Variants in LAMA2 observed in about 807,000 individuals in gnomAD.
LAMA2 encodes the protein laminin subunit alpha-2.
LAMA2 carries 269 observed loss-of-function variants against 364.8 expected under a neutral mutation model. The ratio of observed to expected loss-of-function variants is 0.74; its 90% CI spans 0.67 to 0.82. The LOEUF (loss-of-function observed/expected upper bound fraction) is 0.82, where lower values mean the gene tolerates loss of function less well. LAMA2 is among the 40% of genes least tolerant of loss of function. The pLI is 0.00. For missense variants in LAMA2, 3,807 were observed against 3,873.2 expected (o/e 0.98, Z 0.45); for synonymous variants, 1,379 against 1,370.6 (o/e 1.01, Z -0.14).
rs992163712 is a variant in LAMA2 at position 129,370,827 on chromosome 6, C to T, written c.4959+837C>T. 3.3e-5 allele frequency among the ~76,000 whole-genome samples: 5 copies of T among 152,206 alleles called. No individual in the cohort carries two copies. The East Asian group carries it at 7.7e-4, about 23-fold the overall frequency. ...CTCAGGGACTTAAGCTGGACCCAGT[C>T]TCAAGATTCCCACTGGCCCAGTACT... On this transcript the variant is annotated intron_variant, in intron 34 of 64. Transcript: ENST00000421865.
rs117454267 is a variant in LAMA2, at chr6:128,990,052, T to C, written c.113-59866T>C. On this transcript the variant is annotated intron_variant, in intron 1 of 64. Coordinates refer to ENST00000421865, the MANE Select transcript of LAMA2 (RefSeq NM_000426.4). ...AAACATTCATAACATAGAAAATACA[T>C]ATTATTTTAAAATGCTTTCTTATTC... Among the ~76,000 whole-genome samples, 1,234 of 152,324 alleles carry C rather than the reference T, an allele frequency of 8.1e-3. 10 individuals are homozygous for C. The highest frequency in any genetic ancestry group is 0.013 in the Non-Finnish European group (917 of 68,010).
intron 8 of LAMA2, chr6:129,157,916 C>G: frequency 1.9e-6 from 3 of 1,614,184 alleles, no homozygotes; most frequent in African/African-American, 1.3e-5. Context: ...GTTTGGTGCC[C>G]ACCCTGGTAT....
chr6:129,251,617 A>G (rs1261424056), intron 13 of LAMA2, among the ~76,000 whole-genome samples: 1 of 152,154 alleles, frequency 6.6e-6, no homozygotes, highest in Non-Finnish European at 1.5e-5. Flanking sequence ...CCTGAATGAC[A>G]GGGAAAGCCA....
chr6:128,942,580 T>C (rs531617755), intron 1 of LAMA2, among the ~76,000 whole-genome samples: 1 of 152,324 alleles, frequency 6.6e-6, no homozygotes, highest in East Asian at 1.9e-4. Context: ...GTCATGGAGA[T>C]TAAAACATTT....
chr6:129,500,175 G>A (rs982630591), intron 58 of LAMA2, among the ~76,000 whole-genome samples: 8 of 152,018 alleles, frequency 5.3e-5, no homozygotes, highest in African/African-American at 1.9e-4. Context: ...TAGAGGGTGG[G>A]GAATTTTTGT....
chr6:129,498,913 T>TGAA (rs1290781969), intron 58 of LAMA2, among the ~76,000 whole-genome samples: 1 of 152,232 alleles, frequency 6.6e-6, no homozygotes, highest in African/African-American at 2.4e-5. Context: ...TATTCTGACC[T>TGAA]GAAGTTAAAT....
At chr6:129,177,522 C>T (rs1483138154) in intron 9 of LAMA2, among the ~76,000 whole-genome samples, 184 bp from the exon 10 acceptor site, 2 of 152,100 alleles carry the variant, frequency 1.3e-5, no homozygotes, top group African/African-American at 2.4e-5. Context: ...GCTATGTTCA[C>T]GTAATCATAG....
intron 1 of LAMA2, chr6:128,929,087 A>C: frequency 6.9e-7 from 1 of 1,459,696 alleles, no homozygotes; most frequent in African/African-American, 1.4e-5. Flanking sequence ...CAGAATCCAC[A>C]CTGTGGACCG....
At chr6:129,494,110 T>C (rs1468946954) in intron 58 of LAMA2, among the ~76,000 whole-genome samples, 1 of 152,222 alleles carries the variant, frequency 6.6e-6, no homozygotes, top group African/African-American at 2.4e-5. Context: ...TACATTCTTA[T>C]CACCAATACA....
At chr6:129,210,568 G>T (rs984735607) in intron 12 of LAMA2, among the ~76,000 whole-genome samples, 6 of 152,094 alleles carry the variant, frequency 3.9e-5, no homozygotes, top group Non-Finnish European at 8.8e-5. Context: ...CGTGAGGATT[G>T]AAGATAGCTT....
chr6:129,194,101 C>A (rs1484501753), intron 12 of LAMA2, among the ~76,000 whole-genome samples: 1 of 151,996 alleles, frequency 6.6e-6, no homozygotes, highest in Non-Finnish European at 1.5e-5. Context: ...TCATTTTATC[C>A]TATTCTATTT....
intron 37 of LAMA2, among the ~76,000 whole-genome samples, 169 bp from the exon 38 acceptor site, chr6:129,401,055 C>T (rs948230656): frequency 2.0e-5 from 3 of 152,204 alleles, no homozygotes; most frequent in African/African-American, 7.2e-5. Flanking sequence ...CATAGAAGAA[C>T]TCTTCAAGGA....
chr6:129,238,955 A>G (rs1372286110), intron 12 of LAMA2, among the ~76,000 whole-genome samples: 1 of 152,046 alleles, frequency 6.6e-6, no homozygotes, highest in Non-Finnish European at 1.5e-5. Context: ...TTTGTTTTCA[A>G]ATTTTAAAAA....
intron 1 of LAMA2, among the ~76,000 whole-genome samples, chr6:128,996,139 A>C (rs1783925921): frequency 6.6e-6 from 1 of 152,194 alleles, no homozygotes; most frequent in South Asian, 2.1e-4. Flanking sequence ...AACAGAAAGT[A>C]GTTGTGTCGG....
At chr6:129,491,860 C>A in intron 56 of LAMA2, 41 bp from the exon 57 acceptor site, 1 of 1,445,270 alleles carries the variant, frequency 6.9e-7, no homozygotes, top group South Asian at 1.2e-5. Context: ...TGTATTGAAT[C>A]AGATGTGACT....
intron 9 of LAMA2, among the ~76,000 whole-genome samples, chr6:129,175,029 A>T (rs1381509265): frequency 1.3e-5 from 2 of 152,248 alleles, no homozygotes; most frequent in Non-Finnish European, 2.9e-5. Flanking sequence ...ATCAGAAATA[A>T]TGTTAAACTA....
chr6:129,342,384 T>C lies in LAMA2; in HGVS notation c.4353T>C (p.Cys1451=). The C allele has an allele frequency of 6.2e-7, 1 of 1,613,434 alleles. No homozygotes were observed. The highest frequency in any genetic ancestry group is 8.5e-7 in the Non-Finnish European group (1 of 1,179,428). The part of the protein sequence containing the change: ...HHTAGDFCER[C]ALGYYGIVKG... ...CTGCTGGTGACTTCTGTGAACGATG[T>C]GCTCTTGGATACTATGGAATTGTCA... Residue 1451 remains cysteine, a synonymous_variant, in exon 30 of 65, where the codon TGT becomes TGC. Transcript: ENST00000421865.
intron 40 of LAMA2, among the ~76,000 whole-genome samples, chr6:129,419,084 T>G (rs1780941212): frequency 6.6e-6 from 1 of 152,036 alleles, no homozygotes; most frequent in Non-Finnish European, 1.5e-5. Flanking sequence ...GATACTCTCA[T>G]TTGGGTCAAT....
chr6:129,223,975 A>G (rs565602594), intron 12 of LAMA2, among the ~76,000 whole-genome samples: 66 of 152,250 alleles, frequency 4.3e-4, no homozygotes, highest in African/African-American at 1.5e-3. Context: ...TCCTATCCAT[A>G]AGCATGGAAT....
Sources: gnomAD v4.1 joint callset for allele counts (sites outside exome capture counted in the v4.1 genomes callset) on GRCh38, gnomAD v4.1.1 for gene constraint, MANE v1.5 for transcripts, NCBI Gene and HGNC (gene_info 2026-07-23, HGNC 2026-07-21) for gene names.